ITPK1: variants seen among roughly 807,000 people sequenced by gnomAD.
ITPK1 encodes the protein inositol-tetrakisphosphate 1-kinase, also known as inositol 1,3,4-trisphosphate 5/6-kinase.
In ITPK1, 21 loss-of-function variants were observed where a neutral mutation model predicts 45.3. That is an observed-to-expected ratio of 0.46 (90% confidence interval 0.33 to 0.67). The LOEUF is 0.67. Ranked by LOEUF, ITPK1 falls within the 30% of genes least tolerant of loss-of-function variation. The pLI is 0.02. For missense variants in ITPK1, 474 were observed against 573.5 expected, an observed-to-expected ratio of 0.83 and a Z score of 1.77; for synonymous variants, 258 against 253.6, an observed-to-expected ratio of 1.02 and a Z score of -0.16.
intron 2 of ITPK1, among the ~76,000 whole-genome samples, chr14:93,095,629 T>C (rs1214559328): frequency 6.8e-6 from 1 of 148,092 alleles, no homozygotes; most frequent in Admixed American, 6.9e-5. Context: ...CAGGGGTACA[T>C]GTGCAGGTTT....
intron 7 of ITPK1, among the ~76,000 whole-genome samples, chr14:92,959,497 G>C (rs908650002): frequency 2.6e-5 from 4 of 152,194 alleles, no homozygotes; most frequent in African/African-American, 9.7e-5. Context: ...GGGGGCGTTG[G>C]GGGGCAGTGA....
intron 2 of ITPK1, among the ~76,000 whole-genome samples, chr14:93,099,896 C>G (rs985656647): frequency 2.0e-5 from 3 of 152,206 alleles, no homozygotes; most frequent in Non-Finnish European, 2.9e-5. Flanking sequence ...ACTCTGTGTG[C>G]GAACCCTCAG....
At chr14:93,092,808 A>G (rs192602422) in intron 2 of ITPK1, among the ~76,000 whole-genome samples, 1 of 152,240 alleles carries the variant, frequency 6.6e-6, no homozygotes, top group East Asian at 1.9e-4. Context: ...GCCCCACTGC[A>G]TTCGACTCAG....
At chr14:93,086,922 C>T (rs1891673008) in intron 2 of ITPK1, among the ~76,000 whole-genome samples, 1 of 152,216 alleles carries the variant, frequency 6.6e-6, no homozygotes, top group African/African-American at 2.4e-5. Flanking sequence ...TTCGGGATGG[C>T]AGGTCAAAGG....
At chr14:92,962,498 C>T in intron 6 of ITPK1, 103 bp from the exon 7 acceptor site, 1 of 833,620 alleles carries the variant, frequency 1.2e-6, no homozygotes, top group African/African-American at 1.7e-5. Flanking sequence ...GAGACACAGA[C>T]TCTGGACACC....
intron 6 of ITPK1, 144 bp from the exon 7 acceptor site, chr14:92,962,539 A>T: frequency 1.3e-6 from 1 of 750,588 alleles, no homozygotes; most frequent in Non-Finnish European, 2.4e-6. Flanking sequence ...ACGTGTGGGT[A>T]GACACCCCCA....
chr14:93,025,506 T>C (rs1888692235), intron 3 of ITPK1, among the ~76,000 whole-genome samples: 1 of 152,058 alleles, frequency 6.6e-6, no homozygotes, highest in African/African-American at 2.4e-5. Context: ...CCACCGGGAG[T>C]TGTTTCAGTG....
chr14:93,105,315 G>A (rs948515607), intron 2 of ITPK1, among the ~76,000 whole-genome samples: 9 of 152,144 alleles, frequency 5.9e-5, no homozygotes, highest in Non-Finnish European at 1.2e-4. Context: ...CTTCAGCCTT[G>A]GCTAACTCGG....
intron 3 of ITPK1, among the ~76,000 whole-genome samples, chr14:93,020,613 C>T (rs1435556937): frequency 6.6e-6 from 1 of 152,188 alleles, no homozygotes; most frequent in Non-Finnish European, 1.5e-5. Context: ...CAGGATTGCA[C>T]CGTAACCCCA....
chr14:93,050,769 G>A (rs1252697344), intron 3 of ITPK1, among the ~76,000 whole-genome samples: 1 of 151,424 alleles, frequency 6.6e-6, no homozygotes, highest in Non-Finnish European at 1.5e-5. Flanking sequence ...TGACCCCATG[G>A]CTGACCTACC....
intron 2 of ITPK1, among the ~76,000 whole-genome samples, chr14:93,087,617 C>A (rs1891699738): frequency 6.6e-6 from 1 of 152,220 alleles, no homozygotes; most frequent in Admixed American, 6.5e-5. Flanking sequence ...AGGATTAGAA[C>A]CTGCTGTCTT....
intron 7 of ITPK1, among the ~76,000 whole-genome samples, chr14:92,961,266 C>T (rs1230064016): frequency 6.6e-6 from 1 of 152,184 alleles, no homozygotes; most frequent in Non-Finnish European, 1.5e-5. Flanking sequence ...CCAGGTGTGG[C>T]TCCTGAGGGT....
At chr14:92,948,838 G>A (rs377510071) in intron 9 of ITPK1, among the ~76,000 whole-genome samples, 12 of 151,846 alleles carry the variant, frequency 7.9e-5, no homozygotes, top group African/African-American at 2.7e-4. Flanking sequence ...CACCACCCAC[G>A]CTCCAAGTCC....
At chr14:92,960,134 G>A (rs1182928058) in intron 7 of ITPK1, among the ~76,000 whole-genome samples, 1 of 152,216 alleles carries the variant, frequency 6.6e-6, no homozygotes. Flanking sequence ...TGAGTACATG[G>A]GACGTGGTGG....
intron 2 of ITPK1, among the ~76,000 whole-genome samples, chr14:93,095,703 A>G (rs1892050224): frequency 6.6e-6 from 1 of 151,654 alleles, no homozygotes; most frequent in South Asian, 2.1e-4. Flanking sequence ...CCAGGTACTG[A>G]GCATAGTACC....
chr14:93,035,993 C>G (rs1188371050), intron 3 of ITPK1, among the ~76,000 whole-genome samples: 3 of 152,222 alleles, frequency 2.0e-5, no homozygotes, highest in Non-Finnish European at 4.4e-5. Context: ...CACGTGATGA[C>G]TAATTTGAAT....
chr14:93,077,560 C>A (rs1357292336), intron 2 of ITPK1, among the ~76,000 whole-genome samples: 1 of 152,130 alleles, frequency 6.6e-6, no homozygotes, highest in African/African-American at 2.4e-5. Context: ...TCAGGTGATC[C>A]GCCTGCCTCA....
intron 3 of ITPK1, among the ~76,000 whole-genome samples, chr14:93,072,797 C>G (rs978122541): frequency 6.6e-6 from 1 of 152,074 alleles, no homozygotes; most frequent in Non-Finnish European, 1.5e-5. Flanking sequence ...GGGGGGAACC[C>G]TCAGACGAGG....
At chr14:93,088,915 T>A (rs149919539) in intron 2 of ITPK1, among the ~76,000 whole-genome samples, 4 of 152,130 alleles carry the variant, frequency 2.6e-5, no homozygotes, top group Non-Finnish European at 5.9e-5. Flanking sequence ...ATTCCCAGGC[T>A]CCCTTACTCC....
Sources: gnomAD v4.1 joint callset for allele counts (sites outside exome capture counted in the v4.1 genomes callset) on GRCh38, gnomAD v4.1.1 for gene constraint, MANE v1.5 for transcripts, NCBI Gene and HGNC (gene_info 2026-07-23, HGNC 2026-07-21) for gene names.